The following ITPR2 variants were observed in gnomAD, a reference collection of about 807,000 sequenced individuals.
ITPR2 encodes inositol 1,4,5-trisphosphate-gated calcium channel ITPR2.
Under a neutral mutation model 317.1 loss-of-function variants are expected in ITPR2, and 207 were observed. The ratio of observed to expected loss-of-function variants is 0.65; its 90% CI spans 0.58 to 0.73. ITPR2 has a LOEUF of 0.73. ITPR2 is among the 30% of genes least tolerant of loss of function. ITPR2 has a pLI of 0.00. For synonymous variants in ITPR2, 1,156 were observed against 1,149.1 expected, an observed-to-expected ratio of 1.01 and a Z score of -0.12; for missense variants, 2,613 against 3,284.0, an observed-to-expected ratio of 0.80 and a Z score of 4.99.
At chr12:26,342,212 T>A (rs1187195190) in intron 55 of ITPR2, among the ~76,000 whole-genome samples, 5 of 151,316 alleles carry the variant, frequency 3.3e-5, no homozygotes, top group African/African-American at 1.2e-4. Context: ...ATCAATAGAG[T>A]GGTGGTTGAT....
At chr12:26,668,311 T>C (rs999267197) in intron 13 of ITPR2, among the ~76,000 whole-genome samples, 3 of 152,110 alleles carry the variant, frequency 2.0e-5, no homozygotes, top group African/African-American at 7.2e-5. Context: ...TAAAGAAAAC[T>C]TAAAGTTCAG....
At chr12:26,473,693 C>G (rs1276272789) in intron 45 of ITPR2, among the ~76,000 whole-genome samples, 3 of 152,176 alleles carry the variant, frequency 2.0e-5, no homozygotes, top group African/African-American at 7.2e-5. Flanking sequence ...ATTCTAGTAG[C>G]CAATATGATT....
chr12:26,486,130 A>T lies in ITPR2; in HGVS notation c.5785T>A (p.Cys1929Ser). 1 of 1,614,178 alleles carries T rather than the reference A, an allele frequency of 6.2e-7. No homozygotes were observed. The highest frequency in any genetic ancestry group is 8.5e-7 in the Non-Finnish European group (1 of 1,179,996). The part of the protein sequence containing the change: ...QPILRFLQLL[C>S]ENHNRELQNF... ...TGCAATTCCCGGTTGTGATTCTCAC[A>T]CAGTAACTGAAGAAATCTCAGTATT... Residue 1929 changes from cysteine (C) to serine (S), a missense_variant, in exon 41 of 57, where the codon TGT becomes AGT. Physicochemically the swap from Cys to Ser is moderately radical, Grantham distance 112. Around this residue, in one of 9 missense-constraint regions of ITPR2, gnomAD observed 926 missense variants for 1,072.8 expected, o/e 0.86. Transcript: ENST00000381340.
rs554726442 is a variant in ITPR2 at position 26,410,398 on chromosome 12, G to C, written c.7399+922C>G. On this transcript the variant is annotated intron_variant, in intron 52 of 56. Coordinates refer to ENST00000381340, the MANE Select transcript of ITPR2 (RefSeq NM_002223.4). ...AGCATAAAATATTTAGTCAGTAGAA[G>C]GGTCTATTCATTATTCCTCAAGCAA... is the stretch of plus-strand genomic sequence containing the variant. Among the ~76,000 whole-genome samples, 10 of 152,212 alleles carry C rather than the reference G, an allele frequency of 6.6e-5. No homozygotes were observed. The South Asian group carries it at 1.0e-3, about 16-fold the overall frequency.
chr12:26,508,475 T>G (rs957760318), intron 37 of ITPR2, among the ~76,000 whole-genome samples: 3 of 152,280 alleles, frequency 2.0e-5, no homozygotes, highest in South Asian at 2.1e-4. Flanking sequence ...TGTAGCCCAA[T>G]TCACTACTGT....
intron 41 of ITPR2, 83 bp from the exon 42 acceptor site, chr12:26,483,981 T>C (rs2136841107): frequency 8.7e-7 from 1 of 1,150,418 alleles, no homozygotes; most frequent in Admixed American, 2.1e-5. Flanking sequence ...ATGTGTGCTT[T>C]TCTAACTTTT....
chr12:26,793,002 C>T (rs1036505949), intron 1 of ITPR2, among the ~76,000 whole-genome samples: 2 of 152,202 alleles, frequency 1.3e-5, no homozygotes, highest in Non-Finnish European at 2.9e-5. Context: ...TGATACTAAA[C>T]TTACAGAAAT....
intron 7 of ITPR2, 142 bp from the exon 8 acceptor site, chr12:26,715,587 TA>T: frequency 1.2e-6 from 1 of 856,708 alleles, no homozygotes; most frequent in Non-Finnish European, 1.8e-6. Flanking sequence ...TTTAAACATT[TA>T]AAAATGTGGG....
chr12:26,467,369 C>CTCTCTT (rs947418568), intron 45 of ITPR2, among the ~76,000 whole-genome samples: 3 of 151,700 alleles, frequency 2.0e-5, no homozygotes, highest in Admixed American at 2.0e-4. Flanking sequence ...CTCTCTCTCT[C>CTCTCTT]TCTCTTTCTC....
In ITPR2 at chr12:26,832,404, G is replaced by A. The variant is rs559300966; in HGVS notation, c.92+286C>T. Among the ~76,000 whole-genome samples the A allele has an allele frequency of 3.2e-4, 49 of 152,386 alleles. No individual in the cohort carries two copies. In the East Asian group the frequency reaches 7.3e-3, roughly 23 times the overall value. On this transcript the variant is annotated intron_variant, in intron 1 of 56. Transcript: ENST00000381340. ...AACAACCCAGGGAGAAGCCAGCGAAGACCTCTTCGCCGGGCCCGTCTCCGG... is the reference window on the plus strand; with the variant it reads ...AACAACCCAGGGAGAAGCCAGCGAAAACCTCTTCGCCGGGCCCGTCTCCGG...
intron 32 of ITPR2, among the ~76,000 whole-genome samples, chr12:26,590,005 CA>C (rs1945659615): frequency 6.6e-6 from 1 of 151,130 alleles, no homozygotes; most frequent in Non-Finnish European, 1.5e-5. Flanking sequence ...AGAGGGATCT[CA>C]AAAGTATGTT....
rs117688254 is a variant in ITPR2, at chr12:26,528,266, G to A, written c.5073+21981C>T. ...GCTCCTGAGAGAGGGATGTTACTTCGGGGCCTCTGCAAGCCCTAACACTAA... is the reference window on the plus strand; with the variant it reads ...GCTCCTGAGAGAGGGATGTTACTTCAGGGCCTCTGCAAGCCCTAACACTAA... On this transcript the variant is annotated intron_variant, in intron 37 of 56. Coordinates refer to ENST00000381340, the MANE Select transcript of ITPR2 (RefSeq NM_002223.4). Among the ~76,000 whole-genome samples the A allele has an allele frequency of 7.4e-4, 113 of 152,254 alleles. 1 individual carries two copies. The East Asian group carries it at 0.019, about 26-fold the overall frequency.
At chr12:26,722,808 G>A (rs904208218) in intron 4 of ITPR2, among the ~76,000 whole-genome samples, 1 of 151,932 alleles carries the variant, frequency 6.6e-6, no homozygotes, top group African/African-American at 2.4e-5. Context: ...GGACCCCTCC[G>A]AGTGATTTTC....
intron 37 of ITPR2, among the ~76,000 whole-genome samples, chr12:26,532,884 C>T (rs761496688): frequency 2.2e-4 from 34 of 152,180 alleles, no homozygotes; most frequent in Admixed American, 7.9e-4. Context: ...CAGGGTCTCG[C>T]CATGTTGACC....
intron 34 of ITPR2, among the ~76,000 whole-genome samples, chr12:26,571,881 A>C (rs1945170222): frequency 6.6e-6 from 1 of 152,232 alleles, no homozygotes; most frequent in South Asian, 2.1e-4. Flanking sequence ...TGTACAACTA[A>C]GAAAAAGAAT....
intron 55 of ITPR2, among the ~76,000 whole-genome samples, chr12:26,354,268 C>CCT (rs138168664): frequency 0.98 from 148,424 of 152,110 alleles, 72,530 homozygotes; most frequent in Non-Finnish European, 1. Flanking sequence ...AGCCAGACTC[C>CCT]CTCAAAAAAA....
intron 45 of ITPR2, among the ~76,000 whole-genome samples, chr12:26,455,558 G>C (rs999334478): frequency 6.6e-6 from 1 of 152,088 alleles, no homozygotes; most frequent in East Asian, 1.9e-4. Flanking sequence ...GATATATTTT[G>C]TTACTTGTTC....
At chr12:26,406,301 C>T (rs774053500) in intron 52 of ITPR2, among the ~76,000 whole-genome samples, 1 of 151,380 alleles carries the variant, frequency 6.6e-6, no homozygotes, top group Non-Finnish European at 1.5e-5. Flanking sequence ...TCTGTACATT[C>T]GAATGATTTT....
Position 26,556,556 on chromosome 12 carries a change from ATT to A in ITPR2, c.4822-183_4822-182del, listed in dbSNP as rs11312773. Among the ~76,000 whole-genome samples, 207 of 133,812 alleles carry A rather than the reference ATT, an allele frequency of 1.5e-3. 1 individual carries two copies. Among genetic ancestry groups the A allele is most frequent in the South Asian group, 8.5e-3 (35 of 4,128 alleles). 87.8% of individuals were successfully genotyped at this position (133,812 alleles called of 152,430 possible). A position where few individuals can be genotyped will look rare whatever the true frequency, so the allele number is the denominator to read the frequency against. ...ATGTAAGAATATTGCCTGGGTCTCT[ATT>A]TTTTTTTTTGTGTGTGTGTGTGTGT... is the stretch of plus-strand genomic sequence containing the variant. On this transcript the variant is annotated intron_variant, in intron 35 of 56. Transcript: ENST00000381340.
Sources: allele counts gnomAD v4.1 joint callset (sites outside exome capture counted in the v4.1 genomes callset), GRCh38; gene constraint gnomAD v4.1.1; regional missense constraint gnomAD v4.1.1; transcripts MANE v1.5; gene names NCBI Gene and HGNC (gene_info 2026-07-23, HGNC 2026-07-21).